Variants in SPEN observed in about 807,000 individuals in gnomAD.
SPEN encodes msx2-interacting protein.
Under a neutral mutation model 269.9 loss-of-function variants are expected in SPEN, and 18 were observed. That is an observed-to-expected ratio of 0.07 (90% CI 0.05 to 0.10). SPEN has a LOEUF of 0.10. Among genes scored for constraint, SPEN ranks in the 10% least tolerant of loss-of-function variants. The pLI is 1.00. For synonymous variants in SPEN, 1,726 were observed against 1,765.7 expected (o/e 0.98, Z 0.56); for missense variants, 3,822 against 4,631.2 (o/e 0.83, Z 5.07).
intron 1 of SPEN, among the ~76,000 whole-genome samples, chr1:15,851,863 G>A (rs1480451210): frequency 5.3e-5 from 8 of 152,124 alleles, no homozygotes; most frequent in African/African-American, 1.9e-4. Context: ...TGCATCTGTA[G>A]ATCCAGCTAC....
At position 15,928,740 on chromosome 1, in the gene SPEN, C is replaced by G; in HGVS notation, c.2500C>G (p.Gln834Glu). 6.2e-7 allele frequency: 1 copy of G among 1,614,092 alleles called. No homozygotes were observed. Among genetic ancestry groups the G allele is most frequent in the Non-Finnish European group, 8.5e-7 (1 of 1,180,028 alleles). Residue 834 changes from glutamine (Q) to glutamate (E), a missense_variant, in exon 11 of 15, where the codon CAG becomes GAG. Around this residue, in one of 16 missense-constraint regions of SPEN, gnomAD observed 572 missense variants for 582.6 expected, o/e 0.98. Transcript: ENST00000375759. The surrounding 1 kb of genome is among the most constrained non-coding windows in gnomAD (Gnocchi z 5.7). ...RKGKVHSPSS[Q>E]SSETDQENER... is the part of the protein sequence containing the mutation. ...AGGAAAGGTTCACTCCCCTAGTTCT[C>G]AGTCTTCAGAAACGGACCAAGAAAA...
At chr1:15,876,703 A>G in intron 3 of SPEN, 25 bp downstream of exon 3, 1 of 1,534,296 alleles carries the variant, frequency 6.5e-7, no homozygotes, top group Non-Finnish European at 9.0e-7. Flanking sequence ...TTTTGTTATA[A>G]CAGATGAGCT....
In SPEN at chr1:15,935,087, C is replaced by T; in HGVS notation, c.8847C>T (p.Leu2949=). ...PPVLVHNQLV[L]TPSIVTTNKK... ...TGCTGGTTCACAACCAGCTGGTCCT[C>T]ACCCCAAGCATTGTCACCACAAACA... Residue 2949 remains leucine (L), a synonymous_variant, in exon 11 of 15, where the codon CTC becomes CTT. Coordinates refer to ENST00000375759, the MANE Select transcript of SPEN (RefSeq NM_015001.3). This position sits in a 1 kb window ranked among gnomAD's most constrained non-coding sequence, Gnocchi z 7.7. The T allele has an allele frequency of 3.7e-6, 6 of 1,614,070 alleles. No homozygotes were observed. Among genetic ancestry groups the T allele is most frequent in the Admixed American group, 1.7e-5 (1 of 60,010 alleles).
chr1:15,938,945 A>ACTC (rs1413313547), intron 14 of SPEN, 69 bp downstream of exon 14: 4 of 1,548,678 alleles, frequency 2.6e-6, no homozygotes, highest in Non-Finnish European at 3.5e-6. Flanking sequence ...AGGTGGGCCT[A>ACTC]CTCATCTGGT....
At chr1:15,926,071 A>T (rs1002007211) in intron 10 of SPEN, among the ~76,000 whole-genome samples, 4 of 152,112 alleles carry the variant, frequency 2.6e-5, no homozygotes, top group African/African-American at 9.7e-5. Context: ...ACAATAAAAT[A>T]TTTTCTTTGA....
intron 3 of SPEN, among the ~76,000 whole-genome samples, chr1:15,894,860 A>G (rs112516808): frequency 2.6e-5 from 4 of 151,918 alleles, no homozygotes; most frequent in South Asian, 2.1e-4. Context: ...GCCAAAGCTT[A>G]TAAGTCTTCA....
intron 6 of SPEN, among the ~76,000 whole-genome samples, chr1:15,916,940 C>T (rs2148732001): frequency 6.6e-6 from 1 of 152,244 alleles, no homozygotes; most frequent in South Asian, 2.1e-4. Flanking sequence ...CCAGCCTGGG[C>T]AACATGGTGA....
At chr1:15,861,265 A>G (rs7540404) in intron 1 of SPEN, among the ~76,000 whole-genome samples, 135,565 of 151,564 alleles carry the variant, frequency 0.89, 60,985 homozygotes, top group African/African-American at 0.96. Flanking sequence ...CCAAGTACCT[A>G]GGACTATAGG....
chr1:15,929,635 A>T lies in SPEN; in HGVS notation c.3395A>T (p.Asn1132Ile). The T allele has an allele frequency of 1.2e-6, 2 of 1,614,162 alleles. No individual in the cohort carries two copies. The highest frequency in any genetic ancestry group is 1.7e-6 in the Non-Finnish European group (2 of 1,180,018). The change falls in exon 11 of 15, where the codon AAC becomes ATC. Residue 1132 changes from asparagine to isoleucine, a missense_variant. Asn to Ile is a moderately radical substitution (Grantham distance 149). Transcript: ENST00000375759. The surrounding 1 kb of genome is among the most constrained non-coding windows in gnomAD (Gnocchi z 5.8). ...QGPEREDVRKNYCSLRDETPE... is the reference protein window; with the variant it reads ...QGPEREDVRKIYCSLRDETPE... ...CCAGAGAGAGAAGACGTTAGGAAAA[A>T]CTATTGCAGTCTTCGTGATGAAACA...
intron 1 of SPEN, among the ~76,000 whole-genome samples, chr1:15,867,223 G>A (rs970398707): frequency 6.6e-5 from 10 of 152,110 alleles, no homozygotes; most frequent in Non-Finnish European, 1.2e-4. Flanking sequence ...GACCTTTTGT[G>A]TATTATGGAA....
intron 3 of SPEN, among the ~76,000 whole-genome samples, chr1:15,901,159 C>A (rs1447882759): frequency 6.7e-6 from 1 of 150,136 alleles, no homozygotes; most frequent in Non-Finnish European, 1.5e-5. Flanking sequence ...TTGAGGCCAG[C>A]CTGGGCAACA....
chr1:15,850,956 A>T (rs2070329841), intron 1 of SPEN, among the ~76,000 whole-genome samples: 1 of 152,200 alleles, frequency 6.6e-6, no homozygotes, highest in South Asian at 2.1e-4. Flanking sequence ...CACTGGGAAT[A>T]CATTATATAA....
rs1021452856 is a variant in SPEN at position 15,937,397 on chromosome 1, A to G, written c.10261A>G (p.Arg3421Gly). 1 of 1,613,822 alleles carries G rather than the reference A, an allele frequency of 6.2e-7. No homozygotes were observed. The highest frequency in any genetic ancestry group is 8.5e-7 in the Non-Finnish European group (1 of 1,180,008). Residue 3421 changes from arginine to glycine, a missense_variant, in exon 12 of 15, where the codon AGG becomes GGG. Arg to Gly is a moderately radical substitution (Grantham distance 125, BLOSUM62 -2). Coordinates refer to ENST00000375759, the MANE Select transcript of SPEN (RefSeq NM_015001.3). The surrounding 1 kb of genome is among the most constrained non-coding windows in gnomAD (Gnocchi z 5.7). ...RPPEPHTQVQ[R>G]AQAETGPTSF... ...ACCTGAGCCTCACACCCAGGTTCAG[A>G]GGGCACAAGCAGAAACAGGCCCGAC...
At chr1:15,899,036 T>TG (rs1362365479) in intron 3 of SPEN, among the ~76,000 whole-genome samples, 1 of 152,180 alleles carries the variant, frequency 6.6e-6, no homozygotes, top group Non-Finnish European at 1.5e-5. Flanking sequence ...TCATTTCTCT[T>TG]GGGTATATAA....
intron 1 of SPEN, among the ~76,000 whole-genome samples, chr1:15,851,333 G>C (rs2070332889): frequency 3.3e-5 from 5 of 152,062 alleles, no homozygotes; most frequent in Admixed American, 3.3e-4. Flanking sequence ...TTTTCAGTTT[G>C]CGGATTTAAA....
At chr1:15,897,868 C>T (rs558585209) in intron 3 of SPEN, among the ~76,000 whole-genome samples, 2 of 152,140 alleles carry the variant, frequency 1.3e-5, no homozygotes, top group Non-Finnish European at 2.9e-5. Context: ...GAGTTTAGAT[C>T]GCTTTTCAAT....
chr1:15,858,990 C>CTAT (rs1410902156), intron 1 of SPEN, among the ~76,000 whole-genome samples: 21 of 152,208 alleles, frequency 1.4e-4, no homozygotes, highest in Admixed American at 9.2e-4. Context: ...TAGTGTATAG[C>CTAT]TATTATATGT....
chr1:15,857,455 C>G (rs1044227394), intron 1 of SPEN, among the ~76,000 whole-genome samples: 3 of 152,076 alleles, frequency 2.0e-5, no homozygotes, highest in Admixed American at 1.3e-4. Flanking sequence ...CTCCCGGGTT[C>G]AAGCTATTCT....
chr1:15,929,401 T>C lies in SPEN; in HGVS notation c.3161T>C (p.Leu1054Pro). Residue 1054 changes from leucine (L) to proline (P), a missense_variant, in exon 11 of 15, where the codon CTG becomes CCG. Leu to Pro is a moderately conservative substitution (Grantham distance 98, BLOSUM62 -3). This residue lies in a region of SPEN where 572 missense variants were observed against 582.6 expected (regional missense o/e 0.98). Coordinates refer to ENST00000375759, the MANE Select transcript of SPEN (RefSeq NM_015001.3). This position sits in a 1 kb window ranked among gnomAD's most constrained non-coding sequence, Gnocchi z 5.8. ...AAAAGAGAATCTAAAAAAATCAAAC[T>C]GGACAGACTTAATACTGTTGCCAGC... ...ILKRESKKIKLDRLNTVASPK... is the reference protein window; with the variant it reads ...ILKRESKKIKPDRLNTVASPK... 6.2e-7 allele frequency: 1 copy of C among 1,613,294 alleles called. No individual in the cohort carries two copies. The highest frequency in any genetic ancestry group is 8.5e-7 in the Non-Finnish European group (1 of 1,179,784).
Sources: gnomAD v4.1 joint callset for allele counts (sites outside exome capture counted in the v4.1 genomes callset) on GRCh38, gnomAD v4.1.1 for gene constraint, gnomAD v4.1.1 regional missense constraint, Gnocchi (gnomAD v3.1) non-coding constraint, MANE v1.5 for transcripts, NCBI Gene and HGNC (gene_info 2026-07-23, HGNC 2026-07-21) for gene names.